The following EEPD1 variants were observed in gnomAD, a reference collection of about 807,000 sequenced individuals.
The protein encoded by EEPD1 is endonuclease/exonuclease/phosphatase family domain containing 1, also known as endonuclease/exonuclease/phosphatase family domain-containing protein 1.
EEPD1 carries 17 observed loss-of-function variants against 46.3 expected under a neutral mutation model. The observed-to-expected ratio is 0.37, with a 90% CI of 0.25 to 0.55. The LOEUF is 0.55. Among genes scored for constraint, EEPD1 ranks in the 20% least tolerant of loss-of-function variants. The pLI is 0.83. For synonymous variants in EEPD1, 313 were observed against 315.6 expected, an observed-to-expected ratio of 0.99 and a Z score of 0.09; for missense variants, 673 against 745.6, an observed-to-expected ratio of 0.90 and a Z score of 1.13.
In EEPD1 at chr7:36,264,773, C is replaced by G. The variant is rs142569653; in HGVS notation, c.931-16342C>G. 8.2e-3 allele frequency among the ~76,000 whole-genome samples: 1,245 copies of G among 152,242 alleles called. 13 individuals are homozygous for G. The highest frequency in any genetic ancestry group is 0.029 in the African/African-American group (1,206 of 41,530). ...AAAATTTAACAGGAAGGGAGCTCAA[C>G]TAAAAGATAGCTTGGGTATTTGGCT... On this transcript the variant is annotated intron_variant, in intron 3 of 7. Coordinates refer to ENST00000242108, the MANE Select transcript of EEPD1 (RefSeq NM_030636.3).
chr7:36,197,535 A>G (rs1417590615), intron 2 of EEPD1, among the ~76,000 whole-genome samples: 1 of 152,186 alleles, frequency 6.6e-6, no homozygotes, highest in Non-Finnish European at 1.5e-5. Context: ...AGAAAGAGGT[A>G]GACATGGGAG....
intron 3 of EEPD1, among the ~76,000 whole-genome samples, chr7:36,273,540 G>A (rs987406518): frequency 5.9e-5 from 9 of 152,260 alleles, no homozygotes; most frequent in African/African-American, 2.2e-4. Flanking sequence ...TTAGGAAGGG[G>A]TCTTTAGGTG....
intron 3 of EEPD1, among the ~76,000 whole-genome samples, chr7:36,255,972 A>C (rs950602986): frequency 1.3e-5 from 2 of 152,124 alleles, no homozygotes; most frequent in African/African-American, 4.8e-5. Flanking sequence ...AGTGCTATAA[A>C]TTTCCCTCTA....
At chr7:36,208,744 G>A (rs1046953813) in intron 2 of EEPD1, among the ~76,000 whole-genome samples, 59 of 152,220 alleles carry the variant, frequency 3.9e-4, no homozygotes, top group African/African-American at 1.3e-3. Context: ...TACTTTTCCT[G>A]TGTATTCCTG....
At chr7:36,248,044 G>C (rs1302801781) in intron 3 of EEPD1, among the ~76,000 whole-genome samples, 1 of 152,110 alleles carries the variant, frequency 6.6e-6, no homozygotes, top group African/African-American at 2.4e-5. Flanking sequence ...GAACACACAG[G>C]GTGTGAGGGC....
chr7:36,204,275 A>T (rs1440925352), intron 2 of EEPD1, among the ~76,000 whole-genome samples: 1 of 151,864 alleles, frequency 6.6e-6, no homozygotes, highest in African/African-American at 2.4e-5. Flanking sequence ...GCCTCAAGCG[A>T]TCCTCCCACC....
intron 3 of EEPD1, among the ~76,000 whole-genome samples, chr7:36,275,608 G>GGC (rs1360996464): frequency 5.9e-5 from 9 of 151,954 alleles, no homozygotes; most frequent in Admixed American, 3.3e-4. Context: ...CACCACGCCT[G>GGC]GTGTGTATTT....
intron 3 of EEPD1, among the ~76,000 whole-genome samples, chr7:36,270,434 A>T (rs199627358): frequency 1.3e-5 from 2 of 152,042 alleles, no homozygotes; most frequent in Admixed American, 1.3e-4. Flanking sequence ...CATTAGGTAT[A>T]TCTCCTAATG....
intron 7 of EEPD1, among the ~76,000 whole-genome samples, chr7:36,298,008 G>A (rs1391371840): frequency 6.6e-6 from 1 of 152,232 alleles, no homozygotes; most frequent in African/African-American, 2.4e-5. Flanking sequence ...GGCAGCCAAG[G>A]CCAAGATCTT....
intron 3 of EEPD1, among the ~76,000 whole-genome samples, chr7:36,273,950 C>T (rs1787148803): frequency 6.6e-6 from 1 of 152,252 alleles, no homozygotes. Context: ...CCTGCCTCTT[C>T]TCCCTCCATG....
At chr7:36,254,572 G>C (rs1189820312) in intron 3 of EEPD1, among the ~76,000 whole-genome samples, 1 of 152,120 alleles carries the variant, frequency 6.6e-6, no homozygotes, top group Non-Finnish European at 1.5e-5. Flanking sequence ...ATTGTGAATA[G>C]TGCTGCAATA....
intron 3 of EEPD1, among the ~76,000 whole-genome samples, chr7:36,250,960 T>C (rs1429987691): frequency 6.6e-6 from 1 of 152,212 alleles, no homozygotes; most frequent in Non-Finnish European, 1.5e-5. Flanking sequence ...GAATCAACCC[T>C]TACCAGTGGG....
At chr7:36,228,565 A>C (rs1786268149) in intron 2 of EEPD1, 1 of 152,190 alleles carries the variant, frequency 6.6e-6, no homozygotes, top group Non-Finnish European at 1.5e-5. Context: ...GGAAAATCAA[A>C]TCAGTGACGT....
At chr7:36,264,607 T>TA (rs1159120001) in intron 3 of EEPD1, among the ~76,000 whole-genome samples, 1 of 152,234 alleles carries the variant, frequency 6.6e-6, no homozygotes, top group East Asian at 1.9e-4. Context: ...GCCTGGTATT[T>TA]AATTTGATTT....
At chr7:36,268,590 C>T (rs1392752188) in intron 3 of EEPD1, among the ~76,000 whole-genome samples, 1 of 152,180 alleles carries the variant, frequency 6.6e-6, no homozygotes, top group Admixed American at 6.5e-5. Context: ...TCCCAGCATG[C>T]AATGCTGGCT....
intron 3 of EEPD1, 171 bp from the exon 4 acceptor site, chr7:36,280,944 G>A (rs1299889101): frequency 1.8e-6 from 1 of 540,546 alleles, no homozygotes; most frequent in Non-Finnish European, 3.3e-6. Flanking sequence ...TGCTTGTTTA[G>A]TCATCTGGCT....
chr7:36,196,931 G>A (rs1478492891), intron 2 of EEPD1, among the ~76,000 whole-genome samples: 3 of 150,688 alleles, frequency 2.0e-5, no homozygotes, highest in Admixed American at 6.6e-5. Context: ...AGTGAGGAGC[G>A]CCTCTTCCGG....
intron 3 of EEPD1, among the ~76,000 whole-genome samples, chr7:36,245,149 T>C (rs1314279856): frequency 6.6e-6 from 1 of 152,160 alleles, no homozygotes; most frequent in Non-Finnish European, 1.5e-5. Context: ...GATCTCACCA[T>C]GTTGGCCAGG....
chr7:36,257,252 C>T (rs1041948065), intron 3 of EEPD1, among the ~76,000 whole-genome samples: 1 of 151,284 alleles, frequency 6.6e-6, no homozygotes, highest in Non-Finnish European at 1.5e-5. Context: ...CTGCCCTTAA[C>T]ATTTTTTCCT....
Sources: gnomAD v4.1 joint callset for allele counts (sites outside exome capture counted in the v4.1 genomes callset) on GRCh38, gnomAD v4.1.1 for gene constraint, MANE v1.5 for transcripts, NCBI Gene and HGNC (gene_info 2026-07-23, HGNC 2026-07-21) for gene names.